The following RMI1 variants were observed in gnomAD, a reference collection of about 807,000 sequenced individuals.
RMI1 encodes the protein recQ-mediated genome instability protein 1.
In RMI1, 36 loss-of-function variants were observed where a neutral mutation model predicts 46.7. The observed-to-expected ratio is 0.77, with a 90% confidence interval of 0.59 to 1.02. RMI1 has a LOEUF of 1.02. RMI1 is among the 50% of genes least tolerant of loss of function. The pLI, the probability that RMI1 is intolerant of heterozygous loss-of-function variation, is 0.00. For missense variants in RMI1, 676 were observed against 713.7 expected (o/e 0.95, Z 0.60); for synonymous variants, 250 against 252.9 (o/e 0.99, Z 0.11).
chr9:83,990,493 G>A (rs1233215484), intron 1 of RMI1, among the ~76,000 whole-genome samples: 1 of 145,104 alleles, frequency 6.9e-6, no homozygotes, highest in Non-Finnish European at 1.5e-5. Context: ...CTGGGCGACA[G>A]AGCTAGAATG....
chr9:83,985,451 CTT>C lies in RMI1; in HGVS notation c.-126+4561_-126+4562del, dbSNP rs199547146. 4.9e-3 allele frequency among the ~76,000 whole-genome samples: 748 copies of C among 152,312 alleles called. 8 individuals carry two copies. The highest frequency in any genetic ancestry group is 0.017 in the African/African-American group (715 of 41,580). On this transcript the variant is annotated intron_variant, in intron 1 of 2. Coordinates refer to ENST00000445877, the MANE Select transcript of RMI1 (RefSeq NM_001358291.2). Reference sequence around the variant, plus strand: ...AATGCTTGTACAGTGTTAAGTATCTCTTATCACATTTGCTTGTGTTTTACAGG... The same window carrying C: ...AATGCTTGTACAGTGTTAAGTATCTCATCACATTTGCTTGTGTTTTACAGG...
rs11140318 is a variant in RMI1, at chr9:83,997,360, C to T, written c.-125-2349C>T. Among the ~76,000 whole-genome samples, 1,189 of 151,950 alleles carry T rather than the reference C, an allele frequency of 7.8e-3. 30 individuals are homozygous for T. The highest frequency in any genetic ancestry group is 0.033 in the East Asian group (167 of 5,138). ...TCTCGACCTCAGGTGATCCTTCCAC[C>T]TTGGCCTCCCAAAGTGCTGGGATTA... On this transcript the variant is annotated intron_variant, in intron 1 of 2. Transcript: ENST00000445877.
At chr9:83,992,730 A>G (rs1181276547) in intron 1 of RMI1, among the ~76,000 whole-genome samples, 2 of 152,242 alleles carry the variant, frequency 1.3e-5, no homozygotes, top group African/African-American at 2.4e-5. Flanking sequence ...ATTATATAAA[A>G]GTAAAATTGA....
intron 1 of RMI1, among the ~76,000 whole-genome samples, chr9:83,985,232 A>G (rs1341503372): frequency 1.3e-5 from 2 of 152,244 alleles, no homozygotes; most frequent in East Asian, 3.8e-4. Flanking sequence ...AGGAAAAATA[A>G]CCTATTACAC....
At position 84,002,902 on chromosome 9, in the gene RMI1, AAGGAAATATTT is replaced by A; in HGVS notation, c.*41_*51del. The stretch of plus-strand genomic sequence containing the variant: ...AGTATTAGGAACAATTAAAAACAAC[AAGGAAATATTT>A]AGAATTTGTTCACAATTTTACTTAT... On this transcript the variant is annotated 3_prime_UTR_variant, in exon 3 of 3. Coordinates refer to ENST00000445877, the MANE Select transcript of RMI1 (RefSeq NM_001358291.2). The A allele has an allele frequency of 8.2e-7, 1 of 1,214,436 alleles. No individual in the cohort carries two copies. Among genetic ancestry groups the A allele is most frequent in the Non-Finnish European group, 1.1e-6 (1 of 879,346 alleles). The allele number at this position is 1,214,436 out of a possible 1,614,324, so 75.2% of individuals were successfully genotyped here. A position where few individuals can be genotyped will look rare whatever the true frequency, so the allele number is the denominator to read the frequency against.
intron 1 of RMI1, among the ~76,000 whole-genome samples, chr9:83,986,366 G>A (rs1322481616): frequency 6.6e-6 from 1 of 152,142 alleles, no homozygotes; most frequent in Non-Finnish European, 1.5e-5. Context: ...CTTATAGAAT[G>A]GCCGTTTATA....
chr9:84,002,627 T>C lies in RMI1; in HGVS notation c.1641T>C (p.Asp547=). 1 of 1,613,950 alleles carries C rather than the reference T, an allele frequency of 6.2e-7. No individual in the cohort carries two copies. The highest frequency in any genetic ancestry group is 8.5e-7 in the Non-Finnish European group (1 of 1,179,898). Residue 547 remains aspartate (D), a synonymous_variant, in exon 3 of 3, where the codon GAT becomes GAC. Transcript: ENST00000445877. ...CATATCTAGATGTAGACTTTGTGGA[T>C]GAAATACTTACTAGCTTGATAGGGT... is the stretch of plus-strand genomic sequence containing the variant. ...GTAYLDVDFV[D]EILTSLIGFS...
intron 1 of RMI1, among the ~76,000 whole-genome samples, chr9:83,985,377 C>T (rs555759170): frequency 6.6e-6 from 1 of 152,040 alleles, no homozygotes; most frequent in South Asian, 2.1e-4. Flanking sequence ...TTTTATTTCC[C>T]CTAAAGTTCT....
intron 1 of RMI1, among the ~76,000 whole-genome samples, chr9:83,994,943 TAGC>T (rs1564082488): frequency 6.6e-6 from 1 of 152,048 alleles, no homozygotes; most frequent in Non-Finnish European, 1.5e-5. Context: ...AAATACTGAT[TAGC>T]AGTAGAGAGT....
chr9:83,981,515 G>T (rs996589805), intron 1 of RMI1, among the ~76,000 whole-genome samples: 1 of 152,140 alleles, frequency 6.6e-6, no homozygotes, highest in Admixed American at 6.5e-5. Context: ...AGGCTCCTGT[G>T]CCAAGCTTTC....
Position 84,003,884 on chromosome 9 carries a change from A to T in RMI1, c.*1020A>T, listed in dbSNP as rs904279736. On this transcript the variant is annotated 3_prime_UTR_variant, in exon 3 of 3. Transcript: ENST00000445877. ...ATTGTTCCCTTTCTGAATTAGCTGTACATATAAGCCTTCCTTTGGTTTTAA... is the reference window on the plus strand; with the variant it reads ...ATTGTTCCCTTTCTGAATTAGCTGTTCATATAAGCCTTCCTTTGGTTTTAA... 1 of 166,936 alleles carries T rather than the reference A, an allele frequency of 6.0e-6. No individual in the cohort carries two copies. Among genetic ancestry groups the T allele is most frequent in the East Asian group, 1.9e-4 (1 of 5,206 alleles). The allele number at this position is 166,936 out of a possible 1,614,324, so 10.3% of individuals were successfully genotyped here.
At chr9:83,999,241 A>G (rs1588471818) in intron 1 of RMI1, among the ~76,000 whole-genome samples, 1 of 151,696 alleles carries the variant, frequency 6.6e-6, no homozygotes. Context: ...GCTTTTTGCC[A>G]GTTGCTGTAG....
chr9:83,988,329 G>T (rs566789749), intron 1 of RMI1, among the ~76,000 whole-genome samples: 1 of 152,084 alleles, frequency 6.6e-6, no homozygotes, highest in Admixed American at 6.5e-5. Flanking sequence ...TTTGAAACAG[G>T]GTCTTGCTCT....
intron 1 of RMI1, among the ~76,000 whole-genome samples, chr9:83,983,083 G>A (rs1957443438): frequency 2.0e-5 from 3 of 152,204 alleles, no homozygotes; most frequent in African/African-American, 7.2e-5. Context: ...AATTGAGAAT[G>A]TACACTATCC....
At chr9:83,981,451 C>G (rs1319940055) in intron 1 of RMI1, among the ~76,000 whole-genome samples, 1 of 152,188 alleles carries the variant, frequency 6.6e-6, no homozygotes, top group Non-Finnish European at 1.5e-5. Flanking sequence ...CAAACGTGCT[C>G]CTGTTCTAGC....
chr9:83,988,999 G>A (rs375944680), intron 1 of RMI1, among the ~76,000 whole-genome samples: 4 of 152,080 alleles, frequency 2.6e-5, no homozygotes, highest in Admixed American at 6.6e-5. Context: ...TGAGACCACA[G>A]GCACATGCCA....
intron 1 of RMI1, among the ~76,000 whole-genome samples, chr9:83,999,175 GAATAA>G (rs980557016): frequency 1.7e-5 from 2 of 119,284 alleles, no homozygotes; most frequent in Admixed American, 9.7e-5. Context: ...AAATAGAATA[GAATAA>G]AATAAAATAA....
chr9:83,987,151 C>A (rs1315076346), intron 1 of RMI1, among the ~76,000 whole-genome samples: 1 of 152,094 alleles, frequency 6.6e-6, no homozygotes, highest in Non-Finnish European at 1.5e-5. Context: ...GCAACCTCTG[C>A]CTCCTGGATT....
At chr9:83,997,037 T>G (rs954505431) in intron 1 of RMI1, among the ~76,000 whole-genome samples, 4 of 149,014 alleles carry the variant, frequency 2.7e-5, no homozygotes, top group African/African-American at 9.9e-5. Flanking sequence ...TAGAGGTGGA[T>G]TCCCCCCCCC....
Sources: gnomAD v4.1 joint callset for allele counts (sites outside exome capture counted in the v4.1 genomes callset) on GRCh38, gnomAD v4.1.1 for gene constraint, MANE v1.5 for transcripts, NCBI Gene and HGNC (gene_info 2026-07-23, HGNC 2026-07-21) for gene names.